The following GPC5 variants were observed in gnomAD, a reference collection of about 807,000 sequenced individuals.
GPC5 encodes glypican-5.
GPC5 carries 47 observed loss-of-function variants against 53.9 expected under a neutral mutation model. The observed-to-expected ratio is 0.87, with a 90% CI of 0.69 to 1.11. The LOEUF (loss-of-function observed/expected upper bound fraction) is 1.11, where lower values mean the gene tolerates loss of function less well. GPC5 is among the 50% of genes most tolerant of loss of function. GPC5 has a pLI of 0.00. For synonymous variants in GPC5, 286 were observed against 263.3 expected (o/e 1.09, Z -0.84); for missense variants, 748 against 713.1 (o/e 1.05, Z -0.56).
chr13:92,627,634 A>T (rs1322562821), intron 7 of GPC5, among the ~76,000 whole-genome samples: 1 of 152,208 alleles, frequency 6.6e-6, no homozygotes, highest in Non-Finnish European at 1.5e-5. Flanking sequence ...GCAGTCCATG[A>T]TGAGACATAT....
At chr13:92,694,542 T>G (rs1417660810) in intron 7 of GPC5, among the ~76,000 whole-genome samples, 2 of 152,214 alleles carry the variant, frequency 1.3e-5, no homozygotes, top group African/African-American at 4.8e-5. Context: ...TCTCTGTATT[T>G]TGGATTTGCA....
chr13:91,669,189 C>CG (rs1486339799), intron 2 of GPC5, among the ~76,000 whole-genome samples: 11 of 133,054 alleles, frequency 8.3e-5, no homozygotes, highest in Admixed American at 4.6e-4. Flanking sequence ...TATTACTGTG[C>CG]CCCCCCGACA....
At chr13:91,676,137 C>T (rs1464108922) in intron 2 of GPC5, among the ~76,000 whole-genome samples, 1 of 152,168 alleles carries the variant, frequency 6.6e-6, no homozygotes, top group Admixed American at 6.5e-5. Flanking sequence ...ATGGCACAAT[C>T]TTGGCTCACT....
chr13:92,789,559 T>G (rs1265278973), intron 7 of GPC5, among the ~76,000 whole-genome samples: 1 of 152,162 alleles, frequency 6.6e-6, no homozygotes, highest in Non-Finnish European at 1.5e-5. Context: ...AATATTAATT[T>G]ATTTAATCTT....
chr13:91,422,849 C>T (rs909956145), intron 1 of GPC5, among the ~76,000 whole-genome samples: 1 of 152,078 alleles, frequency 6.6e-6, no homozygotes, highest in Non-Finnish European at 1.5e-5. Context: ...TTCATTGACA[C>T]CTTAATCTAT....
At chr13:92,727,298 T>C (rs1479629278) in intron 7 of GPC5, among the ~76,000 whole-genome samples, 1 of 151,558 alleles carries the variant, frequency 6.6e-6, no homozygotes, top group Non-Finnish European at 1.5e-5. Flanking sequence ...GTCTAATCTT[T>C]TTGGGTTAAT....
chr13:91,603,249 T>C (rs1182670824), intron 2 of GPC5, among the ~76,000 whole-genome samples: 1 of 152,182 alleles, frequency 6.6e-6, no homozygotes, highest in Non-Finnish European at 1.5e-5. Flanking sequence ...AATGTGAAAT[T>C]TTAAAGAGCT....
chr13:91,935,067 G>A (rs1391963491), intron 6 of GPC5, among the ~76,000 whole-genome samples: 3 of 152,082 alleles, frequency 2.0e-5, no homozygotes, highest in Non-Finnish European at 4.4e-5. Flanking sequence ...TTAAATGGGA[G>A]CTAAATAGAT....
chr13:91,842,933 A>G (rs2038806119), intron 5 of GPC5, among the ~76,000 whole-genome samples: 1 of 152,140 alleles, frequency 6.6e-6, no homozygotes, highest in Non-Finnish European at 1.5e-5. Flanking sequence ...AAATAGTTTA[A>G]CAATATGAAT....
intron 7 of GPC5, among the ~76,000 whole-genome samples, chr13:92,659,675 A>G (rs1470362812): frequency 1.3e-5 from 2 of 152,182 alleles, no homozygotes; most frequent in African/African-American, 2.4e-5. Context: ...TTTTTGGTGC[A>G]ATTACTTCAA....
intron 2 of GPC5, among the ~76,000 whole-genome samples, chr13:91,603,475 A>G (rs547452476): frequency 6.6e-6 from 1 of 152,346 alleles, no homozygotes; most frequent in Admixed American, 6.5e-5. Context: ...TCAGTGGCCC[A>G]TCCTGATCTC....
At chr13:92,769,763 A>T (rs187729301) in intron 7 of GPC5, among the ~76,000 whole-genome samples, 106 of 152,328 alleles carry the variant, frequency 7.0e-4, no homozygotes, top group Admixed American at 1.2e-3. Context: ...AAGGTGATAG[A>T]TATGTCTAAA....
chr13:91,849,316 C>T (rs1594615542), intron 5 of GPC5, among the ~76,000 whole-genome samples: 4 of 152,268 alleles, frequency 2.6e-5, no homozygotes, highest in Middle Eastern at 6.8e-3. Flanking sequence ...GCTTGTTTAT[C>T]CCAGACACTG....
At position 92,249,461 on chromosome 13, in the gene GPC5, G is replaced by T. The variant is rs537871088; in HGVS notation, c.1561+104472G>T. On this transcript the variant is annotated intron_variant, in intron 7 of 7. Transcript: ENST00000377067. ...AAGAGTTGTCCCTTACATTTCTTCT[G>T]TGTGGCTCCTCTTATGTAATACCCT... Among the ~76,000 whole-genome samples the T allele has an allele frequency of 2.0e-4, 30 of 152,196 alleles. 1 individual carries two copies. The highest frequency in any genetic ancestry group is 1.2e-3 in the South Asian group (6 of 4,820).
chr13:92,074,120 A>C (rs1425627916), intron 6 of GPC5, among the ~76,000 whole-genome samples: 1 of 152,164 alleles, frequency 6.6e-6, no homozygotes, highest in African/African-American at 2.4e-5. Flanking sequence ...ATCGTGAGTG[A>C]ATACATTGAG....
chr13:92,855,419 A>G (rs1371355690), intron 7 of GPC5, among the ~76,000 whole-genome samples: 2 of 152,050 alleles, frequency 1.3e-5, no homozygotes, highest in Admixed American at 1.3e-4. Flanking sequence ...AGAATAAACA[A>G]TTATTTCCAA....
intron 7 of GPC5, among the ~76,000 whole-genome samples, chr13:92,588,985 C>T (rs919497042): frequency 1.3e-5 from 2 of 152,090 alleles, no homozygotes; most frequent in Non-Finnish European, 2.9e-5. Flanking sequence ...TAATGAGAGG[C>T]TTCAGGTAAA....
intron 5 of GPC5, among the ~76,000 whole-genome samples, chr13:91,893,254 C>A (rs1175050916): frequency 6.6e-6 from 1 of 151,836 alleles, no homozygotes; most frequent in Non-Finnish European, 1.5e-5. Context: ...GACCAGTAAA[C>A]CATAGAAAAA....
At position 91,547,810 on chromosome 13, in the gene GPC5, G is replaced by A. The variant is rs141705611; in HGVS notation, c.325+98888G>A. On this transcript the variant is annotated intron_variant, in intron 2 of 7. Transcript: ENST00000377067. Reference sequence around the variant, plus strand: ...GTGGGATTTATCTCAGGTATGCACCGTTGGTTGAACATTTGAAAATCAATT... The same window carrying A: ...GTGGGATTTATCTCAGGTATGCACCATTGGTTGAACATTTGAAAATCAATT... Among the ~76,000 whole-genome samples the A allele has an allele frequency of 9.9e-4, 151 of 152,170 alleles. 3 individuals carry two copies. The East Asian group carries it at 0.012, about 12-fold the overall frequency.
Sources: allele counts gnomAD v4.1 joint callset (sites outside exome capture counted in the v4.1 genomes callset), GRCh38; gene constraint gnomAD v4.1.1; transcripts MANE v1.5; gene names NCBI Gene and HGNC (gene_info 2026-07-23, HGNC 2026-07-21).